The following CENPP variants were observed in gnomAD, a reference collection of about 807,000 sequenced individuals.
The protein encoded by CENPP is centromere protein P.
Under a neutral mutation model 35.6 loss-of-function variants are expected in CENPP, and 24 were observed. The observed-to-expected ratio is 0.67, with a 90% confidence interval of 0.49 to 0.95. The LOEUF is 0.95. Ranked by LOEUF, CENPP falls within the 40% of genes least tolerant of loss-of-function variation. The pLI is 0.00. For missense variants in CENPP, 332 were observed against 345.3 expected, an observed-to-expected ratio of 0.96 and a Z score of 0.31; for synonymous variants, 120 against 125.5, an observed-to-expected ratio of 0.96 and a Z score of 0.29.
chr9:92,359,593 A>G (rs1440199619), intron 4 of CENPP, among the ~76,000 whole-genome samples: 1 of 152,194 alleles, frequency 6.6e-6, no homozygotes, highest in East Asian at 1.9e-4. Context: ...GAAAGGGGAA[A>G]TGAAGAAAAT....
chr9:92,396,480 A>G (rs1842894641), intron 5 of CENPP, among the ~76,000 whole-genome samples: 1 of 152,070 alleles, frequency 6.6e-6, no homozygotes, highest in Non-Finnish European at 1.5e-5. Flanking sequence ...GACCTCGAAC[A>G]TAATACATTT....
intron 5 of CENPP, chr9:92,464,579 C>T: frequency 2.3e-6 from 1 of 439,052 alleles, no homozygotes; most frequent in Non-Finnish European, 4.5e-6. Context: ...CCCCATCTAT[C>T]TTTCTCTGCT....
intron 5 of CENPP, among the ~76,000 whole-genome samples, chr9:92,551,999 T>TAG (rs1201254571): frequency 1.6e-3 from 221 of 141,314 alleles, no homozygotes; most frequent in Non-Finnish European, 2.3e-3. Context: ...ATGTGATATA[T>TAG]ATGTGTATAT....
At chr9:92,520,780 A>G (rs1442028949) in intron 5 of CENPP, among the ~76,000 whole-genome samples, 1 of 152,236 alleles carries the variant, frequency 6.6e-6, no homozygotes, top group South Asian at 2.1e-4. Flanking sequence ...ATTCAGCCAT[A>G]AAAAGGAATG....
intron 5 of CENPP, among the ~76,000 whole-genome samples, chr9:92,555,778 CTTCTT>C (rs985196460): frequency 8.5e-5 from 13 of 152,238 alleles, no homozygotes; most frequent in East Asian, 7.7e-4. Flanking sequence ...GATTTTCTCT[CTTCTT>C]TTCATCATTA....
intron 5 of CENPP, among the ~76,000 whole-genome samples, chr9:92,603,293 G>A (rs1056852579): frequency 2.6e-5 from 4 of 152,202 alleles, no homozygotes; most frequent in Admixed American, 2.0e-4. Flanking sequence ...AAGATCATAC[G>A]CATGGTAATG....
At chr9:92,402,330 C>A (rs762697939) in intron 5 of CENPP, among the ~76,000 whole-genome samples, 2 of 151,834 alleles carry the variant, frequency 1.3e-5, no homozygotes. Flanking sequence ...TGTACCCCTG[C>A]AAAAAAGAAA....
At chr9:92,543,576 G>T (rs1849364448) in intron 5 of CENPP, among the ~76,000 whole-genome samples, 1 of 146,212 alleles carries the variant, frequency 6.8e-6, no homozygotes, top group Admixed American at 6.8e-5. Context: ...TGTTAAGAAT[G>T]ACATTGAAAA....
chr9:92,612,458 A>C, intron 6 of CENPP, 65 bp from the exon 7 acceptor site: 1 of 1,291,224 alleles, frequency 7.7e-7, no homozygotes, highest in Non-Finnish European at 1.1e-6. Flanking sequence ...GGTGCGACTC[A>C]TGGTTGCTAA....
At chr9:92,599,409 GTTTGTT>G (rs954713385) in intron 5 of CENPP, among the ~76,000 whole-genome samples, 9 of 149,646 alleles carry the variant, frequency 6.0e-5, no homozygotes, top group Middle Eastern at 3.5e-3. Context: ...GTTTTGTTTT[GTTTGTT>G]TTTGTTTTTG....
chr9:92,547,012 G>A (rs1449188727), intron 5 of CENPP, among the ~76,000 whole-genome samples: 1 of 152,030 alleles, frequency 6.6e-6, no homozygotes, highest in Non-Finnish European at 1.5e-5. Flanking sequence ...TCTCACTAAT[G>A]AACATAGATT....
At chr9:92,455,768 T>C (rs1261710250) in intron 5 of CENPP, among the ~76,000 whole-genome samples, 1 of 152,218 alleles carries the variant, frequency 6.6e-6, no homozygotes, top group African/African-American at 2.4e-5. Context: ...ACATGTATTA[T>C]TGTTATTAAG....
chr9:92,454,782 C>G (rs912516119), intron 5 of CENPP, among the ~76,000 whole-genome samples: 6 of 152,070 alleles, frequency 3.9e-5, no homozygotes, highest in African/African-American at 1.4e-4. Context: ...GTAACTTGCC[C>G]AAGACTATAA....
chr9:92,580,327 A>AG (rs959604067), intron 5 of CENPP, among the ~76,000 whole-genome samples: 1 of 152,194 alleles, frequency 6.6e-6, no homozygotes, highest in Non-Finnish European at 1.5e-5. Flanking sequence ...AAAAAGAGTT[A>AG]GGGAGGATTC....
chr9:92,474,096 A>G (rs957214940), intron 5 of CENPP, among the ~76,000 whole-genome samples: 2 of 152,268 alleles, frequency 1.3e-5, no homozygotes, highest in South Asian at 2.1e-4. Flanking sequence ...AAGAAATAAA[A>G]TACTCAGCAA....
chr9:92,365,596 A>G (rs1841867938), intron 4 of CENPP, among the ~76,000 whole-genome samples: 1 of 151,418 alleles, frequency 6.6e-6, no homozygotes, highest in Non-Finnish European at 1.5e-5. Flanking sequence ...TTCTTAGTAG[A>G]GATGGGGTTT....
At chr9:92,496,314 ATTACTTGATG>A in intron 5 of CENPP, 2 of 1,573,492 alleles carry the variant, frequency 1.3e-6, no homozygotes, top group Non-Finnish European at 1.7e-6. Context: ...AAAACTTGGA[ATTACTTGATG>A]TTTTGTGGTT....
chr9:92,404,412 C>T (rs868060483), intron 5 of CENPP: 1 of 855,712 alleles, frequency 1.2e-6, no homozygotes, highest in African/African-American at 1.9e-5. Flanking sequence ...CCAGAGATGG[C>T]CTTTACATTT....
intron 1 of CENPP, among the ~76,000 whole-genome samples, chr9:92,327,186 T>G (rs548829606): frequency 6.6e-6 from 1 of 152,364 alleles, no homozygotes; most frequent in African/African-American, 2.4e-5. Context: ...GTGTGCACAC[T>G]TGGAAGTTTA....
Sources: gnomAD v4.1 joint callset for allele counts (sites outside exome capture counted in the v4.1 genomes callset) on GRCh38, gnomAD v4.1.1 for gene constraint, MANE v1.5 for transcripts, NCBI Gene and HGNC (gene_info 2026-07-23, HGNC 2026-07-21) for gene names.